The following STRN variants were observed in gnomAD, a reference collection of about 807,000 sequenced individuals.
STRN encodes protein phosphatase 2 regulatory subunit B'''alpha.
In STRN, 53 loss-of-function variants were observed where a neutral mutation model predicts 96.3. The ratio of observed to expected loss-of-function variants is 0.55; its 90% confidence interval spans 0.44 to 0.69. The LOEUF is 0.69. STRN is among the 30% of genes least tolerant of loss of function. The pLI is 0.00. For missense variants in STRN, 987 were observed against 963.9 expected (o/e 1.02, Z -0.32); for synonymous variants, 428 against 355.9 (o/e 1.20, Z -2.28).
chr2:36,924,825 G>T (rs758237530), intron 2 of STRN, among the ~76,000 whole-genome samples: 18 of 152,202 alleles, frequency 1.2e-4, no homozygotes, highest in Non-Finnish European at 1.9e-4. Context: ...AGGAGGCCGA[G>T]GTGGGCAGAT....
At chr2:36,961,021 C>T (rs948756202) in intron 1 of STRN, among the ~76,000 whole-genome samples, 2 of 151,094 alleles carry the variant, frequency 1.3e-5, no homozygotes, top group South Asian at 2.1e-4. Context: ...CTCAGCCTCA[C>T]GAGTAGCTGG....
intron 7 of STRN, among the ~76,000 whole-genome samples, chr2:36,892,221 G>C (rs545201322): frequency 5.9e-5 from 9 of 152,250 alleles, no homozygotes; most frequent in Non-Finnish European, 8.8e-5. Context: ...TAGGCACTTA[G>C]GGACATAAAG....
rs1423054254 is a variant in STRN, at chr2:36,855,313, T to A, written c.1877A>T (p.Asp626Val). The change falls in exon 15 of 18, where the codon GAC becomes GTC. Residue 626 changes from aspartate (D) to valine (V), a missense_variant. Physicochemically the swap from Asp to Val is radical, Grantham distance 152 (BLOSUM62 -3). Coordinates refer to ENST00000263918, the MANE Select transcript of STRN (RefSeq NM_003162.4). The part of the protein sequence containing the change: ...IPASVDLVSS[D>V]PSHMVASFSK... ...GAATGATGCTACCATATGGCTCGGG[T>A]CACTGCTCACTAGATCCACAGAGGC... 6.2e-7 allele frequency: 1 copy of A among 1,613,762 alleles called. No homozygotes were observed. The highest frequency in any genetic ancestry group is 2.2e-5 in the East Asian group (1 of 44,852).
At chr2:36,877,146 G>C (rs1226853629) in intron 10 of STRN, among the ~76,000 whole-genome samples, 1 of 152,182 alleles carries the variant, frequency 6.6e-6, no homozygotes, top group Admixed American at 6.5e-5. Context: ...TGATGGGTCA[G>C]CCTTAACATC....
intron 10 of STRN, among the ~76,000 whole-genome samples, chr2:36,871,692 A>G (rs987410630): frequency 1.3e-5 from 2 of 152,230 alleles, no homozygotes; most frequent in Non-Finnish European, 2.9e-5. Flanking sequence ...CTTTATATGC[A>G]TTAACTCACT....
At position 36,883,947 on chromosome 2, in the gene STRN, T is replaced by G; in HGVS notation, c.1171A>C (p.Asn391His). Residue 391 changes from asparagine to histidine, a missense_variant, in exon 9 of 18, where the codon AAT becomes CAT. Transcript: ENST00000263918. ...SSSRLPEHEI[N>H]RADEVEALTF... is the part of the protein sequence containing the mutation. ...AAATACTTACCTTCATCTGCCCTAT[T>G]AATTTCATGTTCAGGAAGCCTGGAG... 2 of 1,401,920 alleles carry G rather than the reference T, an allele frequency of 1.4e-6. No individual in the cohort carries two copies. The highest frequency in any genetic ancestry group is 1.9e-6 in the Non-Finnish European group (2 of 1,072,014). 86.8% of individuals were successfully genotyped at this position (1,401,920 alleles called of 1,614,324 possible).
chr2:36,848,291 T>C lies in STRN; in HGVS notation c.*1165A>G, dbSNP rs1483415014. On this transcript the variant is annotated 3_prime_UTR_variant, in exon 18 of 18. Coordinates refer to ENST00000263918, the MANE Select transcript of STRN (RefSeq NM_003162.4). ...TTGGCATTAAACTCTTTCATCCAGG[T>C]TTCCAGGAGATTCTTACAGGGATTA... 1 of 152,214 alleles carries C rather than the reference T, an allele frequency of 6.6e-6. No homozygotes were observed. The highest frequency in any genetic ancestry group is 2.4e-5 in the African/African-American group (1 of 41,456). The allele number at this position is 152,214 out of a possible 1,614,324, so 9.4% of individuals were successfully genotyped here.
At chr2:36,920,787 AGCAACTCT>A (rs1413802121) in intron 2 of STRN, among the ~76,000 whole-genome samples, 2 of 149,910 alleles carry the variant, frequency 1.3e-5, no homozygotes, top group Non-Finnish European at 3.0e-5. Flanking sequence ...AAAAAAAATA[AGCAACTCT>A]GCCAGGCGCG....
intron 15 of STRN, among the ~76,000 whole-genome samples, chr2:36,854,244 T>C (rs1668289786): frequency 1.3e-5 from 2 of 152,224 alleles, no homozygotes; most frequent in Admixed American, 1.3e-4. Context: ...TATTTAAACA[T>C]GATTTTAAAT....
intron 1 of STRN, among the ~76,000 whole-genome samples, chr2:36,928,517 T>C (rs1670477625): frequency 6.7e-6 from 1 of 149,900 alleles, no homozygotes; most frequent in Admixed American, 6.7e-5. Flanking sequence ...CCAGGCATGG[T>C]GGCAGGCACC....
chr2:36,851,281 G>A (rs1180386094), intron 15 of STRN, among the ~76,000 whole-genome samples, 174 bp from the exon 16 acceptor site: 1 of 151,516 alleles, frequency 6.6e-6, no homozygotes, highest in African/African-American at 2.4e-5. Context: ...TCAGGAGATC[G>A]AGACCATCCT....
rs892267055 is a variant in STRN, at chr2:36,844,474, C to T, written c.*4982G>A. ...CACTGGTTCACAGCCTGTTAAAAAC[C>T]CAGGCAGACATTAGAATCTAAATTA... On this transcript the variant is annotated 3_prime_UTR_variant, in exon 18 of 18. Transcript: ENST00000263918. The T allele has an allele frequency of 2.0e-5, 3 of 152,068 alleles. No homozygotes were observed. The highest frequency in any genetic ancestry group is 4.4e-5 in the Non-Finnish European group (3 of 67,996). The allele number at this position is 152,068 out of a possible 1,614,324, so 9.4% of individuals were successfully genotyped here. A position where few individuals can be genotyped will look rare whatever the true frequency, so the allele number is the denominator to read the frequency against.
At chr2:36,892,758 T>C (rs560407016) in intron 7 of STRN, among the ~76,000 whole-genome samples, 1 of 152,210 alleles carries the variant, frequency 6.6e-6, no homozygotes, top group African/African-American at 2.4e-5. Flanking sequence ...CAGTGGCTCA[T>C]GCTTGATATC....
intron 1 of STRN, among the ~76,000 whole-genome samples, chr2:36,939,268 C>T (rs1208122569): frequency 6.6e-6 from 1 of 151,974 alleles, no homozygotes; most frequent in Non-Finnish European, 1.5e-5. Flanking sequence ...GTGGGATACA[C>T]TGTACTGACA....
At chr2:36,871,281 G>A (rs774229371) in intron 10 of STRN, among the ~76,000 whole-genome samples, 3 of 152,128 alleles carry the variant, frequency 2.0e-5, no homozygotes, top group African/African-American at 7.2e-5. Context: ...CTCATTCAGA[G>A]CAACTTTCAG....
At chr2:36,889,761 C>G (rs1208864937) in intron 7 of STRN, among the ~76,000 whole-genome samples, 1 of 152,022 alleles carries the variant, frequency 6.6e-6, no homozygotes, top group East Asian at 1.9e-4. Flanking sequence ...ATTATAAAAT[C>G]CTAAAACATA....
intron 6 of STRN, among the ~76,000 whole-genome samples, chr2:36,897,262 CA>C (rs1231265001): frequency 6.6e-6 from 1 of 151,894 alleles, no homozygotes; most frequent in Admixed American, 6.6e-5. Context: ...CTATAGAATG[CA>C]GTAAGTTATG....
chr2:36,931,779 T>C (rs965475705), intron 1 of STRN, among the ~76,000 whole-genome samples: 2 of 152,214 alleles, frequency 1.3e-5, no homozygotes, highest in African/African-American at 4.8e-5. Flanking sequence ...TGGAGTCAAG[T>C]AGAGAACTGA....
chr2:36,888,834 C>T (rs941922351), intron 7 of STRN, among the ~76,000 whole-genome samples: 3 of 152,052 alleles, frequency 2.0e-5, no homozygotes, highest in Middle Eastern at 3.2e-3. Flanking sequence ...GTGTGTACCA[C>T]CATGCCCGGC....
Sources: allele counts gnomAD v4.1 joint callset (sites outside exome capture counted in the v4.1 genomes callset), GRCh38; gene constraint gnomAD v4.1.1; transcripts MANE v1.5; gene names NCBI Gene and HGNC (gene_info 2026-07-23, HGNC 2026-07-21).